The following SGO1 variants were observed in gnomAD, a reference collection of about 807,000 sequenced individuals.
SGO1 encodes the protein serologically defined breast cancer antigen NY-BR-85.
A neutral mutation model predicts 50.5 loss-of-function variants in SGO1; 39 were observed. The ratio of observed to expected loss-of-function variants is 0.77; its 90% CI spans 0.60 to 1.01. SGO1 has a LOEUF of 1.01. Among genes scored for constraint, SGO1 ranks in the 50% least tolerant of loss-of-function variants. The pLI, the probability that SGO1 is intolerant of heterozygous loss-of-function variation, is 0.00. For synonymous variants in SGO1, 191 were observed against 205.1 expected, an observed-to-expected ratio of 0.93 and a Z score of 0.59; for missense variants, 638 against 606.0, an observed-to-expected ratio of 1.05 and a Z score of -0.55.
In SGO1 at chr3:20,171,277, A is replaced by C. The variant is rs143237049; in HGVS notation, c.1283-45T>G. 368 of 1,456,554 alleles carry C rather than the reference A, an allele frequency of 2.5e-4. 2 individuals are homozygous for C. In the East Asian group the frequency reaches 7.9e-3, roughly 31 times the overall value. 90.2% of individuals were successfully genotyped at this position (1,456,554 alleles called of 1,614,324 possible). Reference sequence around the variant, plus strand: ...GAATATGATTTAAAAAAAAAAACCCACACAAAAACTTAAATTGTACTCAAT... The same window carrying C: ...GAATATGATTTAAAAAAAAAAACCCCCACAAAAACTTAAATTGTACTCAAT... On this transcript the variant is annotated intron_variant, in intron 6 of 7. Transcript: ENST00000412997.
In SGO1 at chr3:20,174,750, G is replaced by C; in HGVS notation, c.781C>G (p.Gln261Glu). Residue 261 changes from glutamine (Q) to glutamate (E), a missense_variant, in exon 6 of 8, where the codon CAG (glutamine) becomes GAG (glutamate). Coordinates refer to ENST00000412997, the MANE Select transcript of SGO1 (RefSeq NM_001199251.3). The stretch of plus-strand genomic sequence containing the variant: ...TTTGTTTTAGTAAACGTTCCTGGCT[G>C]AATCAGCTTTGGTGATAAGTTAACT... The part of the protein sequence containing the change: ...DQVNLSPKLI[Q>E]PGTFTKTKED... The C allele has an allele frequency of 6.2e-7, 1 of 1,614,012 alleles. No homozygotes were observed. The highest frequency in any genetic ancestry group is 8.5e-7 in the Non-Finnish European group (1 of 1,180,000).
downstream of SGO1, chr3:20,168,868 C>T (rs1233755124): frequency 1.5e-5 from 12 of 797,990 alleles, no homozygotes; most frequent in East Asian, 1.3e-4. Context: ...CTTGACCTCT[C>T]GTGATCTGCC....
chr3:20,182,034 G>T (rs1481862934), intron 3 of SGO1, among the ~76,000 whole-genome samples: 2 of 151,698 alleles, frequency 1.3e-5, no homozygotes, highest in Non-Finnish European at 2.9e-5. Flanking sequence ...AGTGAGCTGA[G>T]ATTGCACCAC....
downstream of SGO1, among the ~76,000 whole-genome samples, chr3:20,166,206 C>A (rs1369208035): frequency 6.6e-6 from 1 of 152,002 alleles, no homozygotes; most frequent in African/African-American, 2.4e-5. Flanking sequence ...AAAAGGCAAC[C>A]AACAGAATGG....
At position 20,178,828 on chromosome 3, in the gene SGO1, G is replaced by T. The variant is rs73818853; in HGVS notation, c.340-481C>A. ...ACTGAGAACAGTAGGAGATGTACAT[G>T]CAGGGGCCACATAATGTAGGGCCTT... On this transcript the variant is annotated intron_variant, in intron 3 of 7. Transcript: ENST00000412997. 4.4e-3 allele frequency among the ~76,000 whole-genome samples: 663 copies of T among 152,334 alleles called. 8 individuals are homozygous for T. The highest frequency in any genetic ancestry group is 0.015 in the African/African-American group (630 of 41,578).
At chr3:20,185,834 G>C (rs368049089) in intron 1 of SGO1, 114 bp downstream of exon 1, 1 of 152,344 alleles carries the variant, frequency 6.6e-6, no homozygotes, top group South Asian at 2.1e-4. Context: ...TGGCTGAACG[G>C]CGAAAAGCGC....
In SGO1 at chr3:20,174,632, C is replaced by T. The variant is rs1559359729; in HGVS notation, c.899G>A (p.Arg300Lys). The T allele has an allele frequency of 5.6e-6, 9 of 1,601,396 alleles. No individual in the cohort carries two copies. Among genetic ancestry groups the T allele is most frequent in the African/African-American group, 1.4e-5 (1 of 74,022 alleles). Residue 300 changes from arginine to lysine, a missense_variant, in exon 6 of 8, where the codon AGG (arginine) becomes AAG (lysine). By Grantham distance (26) the Arg-to-Lys change is conservative. Transcript: ENST00000412997. ...RKREEKRKANRRKSKRMSKYK... is the reference protein window; with the variant it reads ...RKREEKRKANKRKSKRMSKYK... The stretch of plus-strand genomic sequence containing the variant: ...TTTTGACATACGTTTTGATTTTCTC[C>T]TGTTAGCTTTTCTTTTCTCTTCTCT...
exon 9 of SGO1, chr3:20,160,973 C>A: frequency 7.4e-7 from 1 of 1,351,806 alleles, no homozygotes; most frequent in South Asian, 1.4e-5. Context: ...TGTATGTAGG[C>A]TGAGTGAAAC....
Position 20,170,422 on chromosome 3 carries a change from C to T in SGO1, c.*282G>A, listed in dbSNP as rs1013201476. The T allele has an allele frequency of 1.6e-5, 16 of 995,036 alleles. No homozygotes were observed. In the South Asian group the frequency reaches 2.4e-4, roughly 15 times the overall value. 61.6% of individuals were successfully genotyped at this position (995,036 alleles called of 1,614,324 possible). A position where few individuals can be genotyped will look rare whatever the true frequency, so the allele number is the denominator to read the frequency against. Reference sequence around the variant, plus strand: ...TCCAAAAAAAAAAAAAGATATATTTCGACTAAAATTAAGAGGTTTAGGCAG... The same window carrying T: ...TCCAAAAAAAAAAAAAGATATATTTTGACTAAAATTAAGAGGTTTAGGCAG... On this transcript the variant is annotated 3_prime_UTR_variant, in exon 8 of 8. Coordinates refer to ENST00000412997, the MANE Select transcript of SGO1 (RefSeq NM_001199251.3).
Position 20,175,004 on chromosome 3 carries a change from C to T in SGO1, c.527G>A (p.Gly176Asp), listed in dbSNP as rs751359045. ...GACATTATCAGTAGACTTAGCTTCA[C>T]CTGAATCAAAATCAACTCCCAGTGT... ...QDTLGVDFDS[G>D]EAKSTDNVLP... The change falls in exon 6 of 8, where the codon GGT becomes GAT. Residue 176 changes from glycine (G) to aspartate (D), a missense_variant. Transcript: ENST00000412997. The T allele has an allele frequency of 6.3e-7, 1 of 1,592,524 alleles. No homozygotes were observed. Among genetic ancestry groups the T allele is most frequent in the East Asian group, 2.2e-5 (1 of 44,450 alleles).
At chr3:20,180,556 G>C (rs1425867822) in intron 3 of SGO1, among the ~76,000 whole-genome samples, 1 of 152,102 alleles carries the variant, frequency 6.6e-6, no homozygotes, top group African/African-American at 2.4e-5. Context: ...GGTGAGAAGA[G>C]AAAATTGGAT....
At chr3:20,184,073 A>G in intron 1 of SGO1, 39 bp from the exon 2 acceptor site, 1 of 1,488,890 alleles carries the variant, frequency 6.7e-7, no homozygotes, top group Non-Finnish European at 9.0e-7. Flanking sequence ...AGAGAATATT[A>G]TCAAATATAA....
chr3:20,175,150 CAAAA>C, intron 5 of SGO1, 95 bp from the exon 6 acceptor site: 7 of 1,241,554 alleles, frequency 5.6e-6, no homozygotes, highest in Non-Finnish European at 7.4e-6. Flanking sequence ...AGTGAATGAC[CAAAA>C]GGTCATTCTG....
At chr3:20,169,457 T>C, downstream of SGO1, 2 of 983,310 alleles carry the variant, frequency 2.0e-6, no homozygotes, top group South Asian at 4.7e-5. Context: ...ATTTTTGATA[T>C]TTAAAGAATA....
At chr3:20,168,839 C>T (rs985602538), downstream of SGO1, 4 of 519,368 alleles carry the variant, frequency 7.7e-6, no homozygotes, top group African/African-American at 8.3e-5. Context: ...ACCGTATTAG[C>T]CAGGATGGTC....
intron 4 of SGO1, 82 bp from the exon 5 acceptor site, chr3:20,176,741 TCTTTC>T (rs749496616): frequency 1.3e-3 from 1,246 of 973,024 alleles, no homozygotes; most frequent in Non-Finnish European, 1.7e-3. Flanking sequence ...TTATAATTTT[TCTTTC>T]CTTTAGTATC....
At position 20,183,697 on chromosome 3, in the gene SGO1, G is replaced by T. The variant is rs1401853423; in HGVS notation, c.250C>A (p.Gln84Lys). 5.0e-6 allele frequency: 8 copies of T among 1,613,172 alleles called. No individual in the cohort carries two copies. The African/African-American group carries it at 6.7e-5, about 13-fold the overall frequency. The change falls in exon 3 of 8, where the codon CAG (glutamine) becomes AAG (lysine). Residue 84 changes from glutamine to lysine, a missense_variant. Transcript: ENST00000412997. ...AGATAGTAACATTCTTTTCTCAGCT[G>T]TAGGATGATATCTTGGGCTTCTTTC... is the stretch of plus-strand genomic sequence containing the variant. ...KVKEAQDIIL[Q>K]LRKECYYLTC...
chr3:20,167,079 T>C (rs1165075214), downstream of SGO1, among the ~76,000 whole-genome samples: 1 of 151,922 alleles, frequency 6.6e-6, no homozygotes, highest in African/African-American at 2.4e-5. Context: ...CACAAAAAAA[T>C]TGTGACTATA....
intron 3 of SGO1, among the ~76,000 whole-genome samples, chr3:20,183,390 AGAAT>A (rs1230905652): frequency 6.6e-6 from 1 of 152,254 alleles, no homozygotes; most frequent in Non-Finnish European, 1.5e-5. Context: ...ACCTGCTTTA[AGAAT>A]GAAACAGGCA....
Sources: gnomAD v4.1 joint callset for allele counts (sites outside exome capture counted in the v4.1 genomes callset) on GRCh38, gnomAD v4.1.1 for gene constraint, MANE v1.5 for transcripts, NCBI Gene and HGNC (gene_info 2026-07-23, HGNC 2026-07-21) for gene names.